Variants in SCN10A observed in about 807,000 individuals in gnomAD.
SCN10A encodes the protein sodium voltage-gated channel alpha subunit 10, also known as sodium channel protein type 10 subunit alpha.
Under a neutral mutation model 170.7 loss-of-function variants are expected in SCN10A, and 162 were observed. The observed-to-expected ratio is 0.95, with a 90% CI of 0.84 to 1.08. SCN10A has a LOEUF of 1.08. Among genes scored for constraint, SCN10A ranks in the 50% least tolerant of loss-of-function variants. SCN10A has a pLI of 0.00. For synonymous variants in SCN10A, 985 were observed against 904.6 expected, an observed-to-expected ratio of 1.09 and a Z score of -1.59; for missense variants, 2,527 against 2,436.9, an observed-to-expected ratio of 1.04 and a Z score of -0.78.
chr3:38,734,811 T>C (rs1274921041), intron 15 of SCN10A, among the ~76,000 whole-genome samples: 3 of 152,244 alleles, frequency 2.0e-5, no homozygotes, highest in East Asian at 3.9e-4. Flanking sequence ...TTTTCAACAG[T>C]GTACTGGATG....
chr3:38,743,411 G>C (rs1322393413), intron 13 of SCN10A, among the ~76,000 whole-genome samples: 1 of 152,098 alleles, frequency 6.6e-6, no homozygotes, highest in East Asian at 1.9e-4. Context: ...TAATTATCTC[G>C]CGGCTTTGAA....
rs1449122935 is a variant in SCN10A, at chr3:38,702,071, T to C, written c.4425A>G (p.Arg1475=). ...CCATGATGGTGATGTCAAAAGCTTG[T>C]CTGGTCACGATGTCAAAGACAAAAC... ...FQGFVFDIVT[R]QAFDITIMVL... The change falls in exon 27 of 28, where the codon AGA becomes AGG. Residue 1475 remains arginine (R), a synonymous_variant. Coordinates refer to ENST00000449082, the MANE Select transcript of SCN10A (RefSeq NM_006514.4). 2.5e-6 allele frequency: 4 copies of C among 1,582,488 alleles called. No individual in the cohort carries two copies. Among genetic ancestry groups the C allele is most frequent in the Non-Finnish European group, 2.6e-6 (3 of 1,164,848 alleles).
intron 1 of SCN10A, among the ~76,000 whole-genome samples, chr3:38,794,600 T>C (rs1420981560): frequency 6.6e-6 from 1 of 152,204 alleles, no homozygotes; most frequent in Non-Finnish European, 1.5e-5. Flanking sequence ...AGTCTGTGGC[T>C]GAACACTTTT....
intron 15 of SCN10A, among the ~76,000 whole-genome samples, chr3:38,733,813 C>T (rs572619991): frequency 1.3e-5 from 2 of 151,094 alleles, no homozygotes; most frequent in African/African-American, 2.4e-5. Context: ...CTCCGCCTCC[C>T]GGGTTCAAGC....
Position 38,761,194 on chromosome 3 carries a change from T to C in SCN10A, c.881A>G (p.Lys294Arg), listed in dbSNP as rs750196811. ...CCTATGGAAGAGACTCCACTCACGT[T>C]TTCTGTGAGATGAGTAGTTGGTTGT... The part of the protein sequence containing the change: ...NETTNYSSHR[K>R]PDIYINKRGT... The change falls in exon 7 of 28, where the codon AAA (lysine) becomes AGA (arginine). Residue 294 changes from lysine (K) to arginine (R), a missense_variant and splice_region_variant. Lys to Arg is a conservative substitution (Grantham distance 26, BLOSUM62 2). Transcript: ENST00000449082. 6.2e-7 allele frequency: 1 copy of C among 1,602,702 alleles called. No individual in the cohort carries two copies. Among genetic ancestry groups the C allele is most frequent in the East Asian group, 2.2e-5 (1 of 44,862 alleles).
chr3:38,752,204 C>T lies in SCN10A; in HGVS notation c.1755+15G>A. 6.7e-7 allele frequency: 1 copy of T among 1,494,284 alleles called. No homozygotes were observed. Among genetic ancestry groups the T allele is most frequent in the South Asian group, 1.4e-5 (1 of 72,124 alleles). The allele number at this position is 1,494,284 out of a possible 1,614,324, so 92.6% of individuals were successfully genotyped here. ...GAAGACAGCCTGAGGGAGTCTGAAG[C>T]ATTCACAAACTCACCGAGACATCGA... On this transcript the variant is annotated intron_variant, in intron 12 of 27. Coordinates refer to ENST00000449082, the MANE Select transcript of SCN10A (RefSeq NM_006514.4).
At chr3:38,710,701 C>A in intron 24 of SCN10A, 143 bp downstream of exon 24, 1 of 751,630 alleles carries the variant, frequency 1.3e-6, no homozygotes, top group Non-Finnish European at 2.3e-6. Flanking sequence ...CAGCTGGACA[C>A]TGCTGCAAGG....
Position 38,788,885 on chromosome 3 carries a change from A to G in SCN10A, c.470+71T>C, listed in dbSNP as rs563746387. 18 of 931,440 alleles carry G rather than the reference A, an allele frequency of 1.9e-5. No homozygotes were observed. In the East Asian group the frequency reaches 3.9e-4, roughly 20 times the overall value. The allele number at this position is 931,440 out of a possible 1,614,324, so 57.7% of individuals were successfully genotyped here. A position where few individuals can be genotyped will look rare whatever the true frequency, so the allele number is the denominator to read the frequency against. On this transcript the variant is annotated intron_variant, in intron 4 of 27. Coordinates refer to ENST00000449082, the MANE Select transcript of SCN10A (RefSeq NM_006514.4). ...AGGCATGGCAGGATAAATAAAAGAC[A>G]AAGACTGCCAAGTGAAGGAAGAAAA...
intron 10 of SCN10A, 110 bp from the exon 11 acceptor site, chr3:38,756,068 G>C (rs2063801236): frequency 8.5e-7 from 1 of 1,170,154 alleles, no homozygotes; most frequent in African/African-American, 1.5e-5. Context: ...CAGAGAAGCT[G>C]AAGGGTTAGG....
At chr3:38,736,780 A>C (rs2063565093) in intron 15 of SCN10A, among the ~76,000 whole-genome samples, 1 of 151,826 alleles carries the variant, frequency 6.6e-6, no homozygotes, top group Non-Finnish European at 1.5e-5. Flanking sequence ...ACTGATCAGC[A>C]TGTTAAATCA....
At chr3:38,809,746 G>C (rs1200152245) in intron 1 of SCN10A, among the ~76,000 whole-genome samples, 1 of 152,098 alleles carries the variant, frequency 6.6e-6, no homozygotes, top group African/African-American at 2.4e-5. Flanking sequence ...ACAAGAAGCC[G>C]TGTTCCTTAT....
chr3:38,786,271 A>G (rs1288947845), intron 4 of SCN10A, among the ~76,000 whole-genome samples: 2 of 152,240 alleles, frequency 1.3e-5, no homozygotes, highest in African/African-American at 4.8e-5. Context: ...AATATGGCAC[A>G]TATACACCAT....
At chr3:38,736,361 C>CTCTG (rs541016855) in intron 15 of SCN10A, among the ~76,000 whole-genome samples, 1 of 139,466 alleles carries the variant, frequency 7.2e-6, no homozygotes, top group East Asian at 2.1e-4. Context: ...TAGGGAAACT[C>CTCTG]TGTGTGTGTG....
Position 38,746,097 on chromosome 3 carries a change from A to ATC in SCN10A, c.1868-3569_1868-3568insGA, listed in dbSNP as rs1232786219. ...TATATATATATATATATATATATAT[A>ATC]TATGCCATCTTTGTCATCTAAGTTC... On this transcript the variant is annotated intron_variant, in intron 13 of 27. Coordinates refer to ENST00000449082, the MANE Select transcript of SCN10A (RefSeq NM_006514.4). Among the ~76,000 whole-genome samples the ATC allele has an allele frequency of 3.4e-3, 298 of 87,120 alleles. 16 individuals carry two copies. Among genetic ancestry groups the ATC allele is most frequent in the South Asian group, 0.024 (58 of 2,440 alleles). 57.2% of individuals were successfully genotyped at this position (87,120 alleles called of 152,430 possible).
At chr3:38,722,131 C>T (rs1179358252) in intron 20 of SCN10A, 127 bp downstream of exon 20, 1 of 915,394 alleles carries the variant, frequency 1.1e-6, no homozygotes. Flanking sequence ...AGCTCTCCTT[C>T]TAGTGACAAG....
intron 27 of SCN10A, 41 bp downstream of exon 27, chr3:38,701,798 A>G (rs1162284027): frequency 7.1e-6 from 11 of 1,556,226 alleles, no homozygotes; most frequent in East Asian, 2.3e-5. Flanking sequence ...AAGACCCCCA[A>G]ACAGAGGTGG....
At chr3:38,756,543 T>A (rs2063806892) in intron 10 of SCN10A, 131 bp downstream of exon 10, 6 of 747,888 alleles carry the variant, frequency 8.0e-6, no homozygotes, top group African/African-American at 3.5e-5. Context: ...TGATCTAATA[T>A]GGTCCCTGAG....
intron 5 of SCN10A, among the ~76,000 whole-genome samples, chr3:38,765,451 C>T (rs2063921394): frequency 6.6e-6 from 1 of 152,144 alleles, no homozygotes; most frequent in African/African-American, 2.4e-5. Context: ...TATCCCAGCA[C>T]CATTTGTTGA....
intron 15 of SCN10A, among the ~76,000 whole-genome samples, chr3:38,738,735 A>T (rs2063597492): frequency 6.6e-6 from 1 of 152,132 alleles, no homozygotes; most frequent in African/African-American, 2.4e-5. Flanking sequence ...CTTCCTCCAG[A>T]TGGCCTGGAG....
Sources: allele counts gnomAD v4.1 joint callset (sites outside exome capture counted in the v4.1 genomes callset), GRCh38; gene constraint gnomAD v4.1.1; transcripts MANE v1.5; gene names NCBI Gene and HGNC (gene_info 2026-07-23, HGNC 2026-07-21).